The following KCNMA1 variants were observed in gnomAD, a reference collection of about 807,000 sequenced individuals.
KCNMA1 encodes the protein Calcium-activated potassium channel subunit alpha-1.
In KCNMA1, 29 loss-of-function variants were observed where a neutral mutation model predicts 140.0. That is an observed-to-expected ratio of 0.21 (90% CI 0.15 to 0.28). The LOEUF (loss-of-function observed/expected upper bound fraction) is 0.28. Ranked by LOEUF, KCNMA1 falls within the 10% of genes least tolerant of loss-of-function variation. The pLI, the probability that KCNMA1 is intolerant of heterozygous loss-of-function variation, is 1.00. For synonymous variants in KCNMA1, 612 were observed against 611.9 expected (o/e 1.00, Z 0.00); for missense variants, 880 against 1,602.2 (o/e 0.55, Z 7.70).
At chr10:77,023,862 T>A (rs1360150566) in intron 16 of KCNMA1, among the ~76,000 whole-genome samples, 2 of 152,114 alleles carry the variant, frequency 1.3e-5, no homozygotes, top group East Asian at 3.9e-4. Context: ...ATTTCATATG[T>A]CAATATACTT....
chr10:77,508,581 C>CTTTTTTTTTTTTTTTTTTTTTTT (rs761735012), intron 1 of KCNMA1, among the ~76,000 whole-genome samples: 64 of 99,860 alleles, frequency 6.4e-4, no homozygotes, highest in East Asian at 7.3e-4. Flanking sequence ...TTTTTCTTTT[C>CTTTTTTTTTTTTTTTTTTTTTTT]TTTTTTTTTT....
At chr10:77,119,554 G>A (rs1038870634) in intron 6 of KCNMA1, among the ~76,000 whole-genome samples, 4 of 152,260 alleles carry the variant, frequency 2.6e-5, no homozygotes, top group Middle Eastern at 6.8e-3. Context: ...AAATATTGGC[G>A]AGATGCTAGC....
intron 23 of KCNMA1, among the ~76,000 whole-genome samples, chr10:76,934,225 G>GC (rs1169663062): frequency 2.0e-5 from 3 of 152,158 alleles, no homozygotes; most frequent in Non-Finnish European, 4.4e-5. Context: ...ACCTGCTTCG[G>GC]CCCCCCAGTG....
At chr10:77,460,492 T>A (rs933722958) in intron 1 of KCNMA1, among the ~76,000 whole-genome samples, 1 of 151,922 alleles carries the variant, frequency 6.6e-6, no homozygotes, top group African/African-American at 2.4e-5. Context: ...TAAGTGTCCA[T>A]CAATGGATGG....
chr10:77,184,613 C>T (rs542477530), intron 4 of KCNMA1, among the ~76,000 whole-genome samples: 4 of 152,338 alleles, frequency 2.6e-5, no homozygotes, highest in South Asian at 4.1e-4. Context: ...TCTTCAATCC[C>T]TATTTCTCCC....
At chr10:77,135,449 A>C (rs1048842093) in intron 5 of KCNMA1, among the ~76,000 whole-genome samples, 5 of 152,174 alleles carry the variant, frequency 3.3e-5, no homozygotes, top group Non-Finnish European at 5.9e-5. Flanking sequence ...TTCCACAAAA[A>C]CCCAAAAATA....
intron 13 of KCNMA1, among the ~76,000 whole-genome samples, chr10:77,076,382 T>C (rs369362456): frequency 6.6e-6 from 1 of 152,242 alleles, no homozygotes; most frequent in Non-Finnish European, 1.5e-5. Context: ...AATCAGAAGA[T>C]GCAGGGCCAG....
intron 2 of KCNMA1, among the ~76,000 whole-genome samples, chr10:77,303,492 T>C (rs1035004755): frequency 6.6e-6 from 1 of 152,158 alleles, no homozygotes; most frequent in East Asian, 1.9e-4. Context: ...CTAATACCCA[T>C]TGAATATTTT....
At chr10:77,127,183 T>A (rs1294437177) in intron 5 of KCNMA1, among the ~76,000 whole-genome samples, 1 of 151,698 alleles carries the variant, frequency 6.6e-6, no homozygotes, top group Admixed American at 6.6e-5. Flanking sequence ...GACAATGACA[T>A]TAATCTATTA....
chr10:76,904,121 C>T (rs565739738), intron 25 of KCNMA1: 2 of 152,182 alleles, frequency 1.3e-5, no homozygotes, highest in African/African-American at 4.8e-5. Flanking sequence ...TTTTTATATG[C>T]CTTTGCCATT....
chr10:77,163,498 G>A (rs1314143331), intron 5 of KCNMA1, among the ~76,000 whole-genome samples: 2 of 152,174 alleles, frequency 1.3e-5, no homozygotes, highest in African/African-American at 4.8e-5. Context: ...TTCACTCAGT[G>A]GCTATTTACT....
At chr10:77,463,089 T>A (rs1398979726) in intron 1 of KCNMA1, among the ~76,000 whole-genome samples, 1 of 152,214 alleles carries the variant, frequency 6.6e-6, no homozygotes, top group Admixed American at 6.5e-5. Flanking sequence ...GTAGGTTTTC[T>A]GGCTGGACTT....
At chr10:77,198,388 AC>A (rs2041323367) in intron 3 of KCNMA1, among the ~76,000 whole-genome samples, 1 of 151,924 alleles carries the variant, frequency 6.6e-6, no homozygotes, top group Non-Finnish European at 1.5e-5. Flanking sequence ...GCCATTTATA[AC>A]CCTGAAGTTA....
At chr10:77,312,428 C>T (rs1383784933) in intron 2 of KCNMA1, among the ~76,000 whole-genome samples, 1 of 152,150 alleles carries the variant, frequency 6.6e-6, no homozygotes, top group Non-Finnish European at 1.5e-5. Context: ...GAGTTCGAGA[C>T]CAGCCTGGCC....
chr10:76,920,527 G>A (rs1456573255), intron 23 of KCNMA1, among the ~76,000 whole-genome samples: 2 of 152,132 alleles, frequency 1.3e-5, no homozygotes, highest in African/African-American at 4.8e-5. Flanking sequence ...ACGCCATATT[G>A]CTTCTTATGT....
At chr10:76,989,809 G>GAAA (rs567883554) in intron 19 of KCNMA1, among the ~76,000 whole-genome samples, 5 of 146,400 alleles carry the variant, frequency 3.4e-5, no homozygotes, top group African/African-American at 1.0e-4. Flanking sequence ...TCAGTCATTT[G>GAAA]AAAAAAAAAA....
chr10:77,330,465 T>C (rs1426211423), intron 2 of KCNMA1, among the ~76,000 whole-genome samples: 1 of 152,118 alleles, frequency 6.6e-6, no homozygotes, highest in Non-Finnish European at 1.5e-5. Context: ...AGTTCAGTGT[T>C]CCCAGCCCAC....
chr10:77,439,378 T>A (rs2097346220), intron 1 of KCNMA1, among the ~76,000 whole-genome samples: 2 of 152,164 alleles, frequency 1.3e-5, no homozygotes, highest in Admixed American at 1.3e-4. Flanking sequence ...CATTTCTGAA[T>A]TAGAAATAAT....
intron 1 of KCNMA1, among the ~76,000 whole-genome samples, chr10:77,407,466 CTAAGAAT>C (rs1330358188): frequency 1.1e-4 from 16 of 152,326 alleles, no homozygotes; most frequent in African/African-American, 2.6e-4. Flanking sequence ...GTGCCAGCAA[CTAAGAAT>C]TAAGTGTTTT....
Sources: gnomAD v4.1 joint callset for allele counts (sites outside exome capture counted in the v4.1 genomes callset) on GRCh38, gnomAD v4.1.1 for gene constraint, MANE v1.5 for transcripts, NCBI Gene and HGNC (gene_info 2026-07-23, HGNC 2026-07-21) for gene names.